The following APOBR variants were observed in gnomAD, a reference collection of about 807,000 sequenced individuals.
APOBR encodes the protein apoB-48R.
A neutral mutation model predicts 88.5 loss-of-function variants in APOBR; 57 were observed. The ratio of observed to expected loss-of-function variants is 0.64; its 90% confidence interval spans 0.52 to 0.80. The LOEUF is 0.80. Ranked by LOEUF, APOBR falls within the 30% of genes least tolerant of loss-of-function variation. The pLI is 0.00. For missense variants in APOBR, 1,443 were observed against 1,401.6 expected, an observed-to-expected ratio of 1.03 and a Z score of -0.47; for synonymous variants, 588 against 572.7, an observed-to-expected ratio of 1.03 and a Z score of -0.38.
In APOBR at chr16:28,495,845, A is replaced by C. The variant is rs2046386615; in HGVS notation, c.804A>C (p.Pro268=). 1 of 1,609,580 alleles carries C rather than the reference A, an allele frequency of 6.2e-7. No individual in the cohort carries two copies. The highest frequency in any genetic ancestry group is 8.5e-7 in the Non-Finnish European group (1 of 1,178,122). The change falls in exon 2 of 4, where the codon CCA becomes CCC. Residue 268 remains proline, a synonymous_variant. Coordinates refer to ENST00000564831, the MANE Select transcript of APOBR (RefSeq NM_018690.4). The part of the protein sequence containing the change: ...ESTRAWGTWG[P]GAEPEDWGIL... ...CTAGGGCATGGGGGACGTGGGGCCC[A>C]GGGGCAGAGCCTGAGGACTGGGGAA...
chr16:28,496,651 G>C lies in APOBR; in HGVS notation c.1610G>C (p.Ser537Thr). The C allele has an allele frequency of 1.2e-6, 2 of 1,601,630 alleles. No individual in the cohort carries two copies. Among genetic ancestry groups the C allele is most frequent in the South Asian group, 2.2e-5 (2 of 89,314 alleles). ...RPEEELTGEE[S>T]EAAQTSCGLL... is the part of the protein sequence containing the mutation. ...GAGGAGGAGCTCACAGGGGAGGAGAGTGAGGCGGCCCAGACTAGCTGTGGC... is the reference window on the plus strand; with the variant it reads ...GAGGAGGAGCTCACAGGGGAGGAGACTGAGGCGGCCCAGACTAGCTGTGGC... The change falls in exon 2 of 4, where the codon AGT (serine) becomes ACT (threonine). Residue 537 changes from serine to threonine, a missense_variant. Coordinates refer to ENST00000564831, the MANE Select transcript of APOBR (RefSeq NM_018690.4).
In APOBR at chr16:28,496,104, G is replaced by A. The variant is rs1464611386; in HGVS notation, c.1063G>A (p.Gly355Arg). 19 of 1,440,986 alleles carry A rather than the reference G, an allele frequency of 1.3e-5. 1 individual carries two copies. The highest frequency in any genetic ancestry group is 2.3e-5 in the East Asian group (1 of 43,200). 89.3% of individuals were successfully genotyped at this position (1,440,986 alleles called of 1,614,324 possible). A position where few individuals can be genotyped will look rare whatever the true frequency, so the allele number is the denominator to read the frequency against. Reference sequence around the variant, plus strand: ...GACAGCCTCAGGAGGGGAGGAGGCCGGGACAGCCTCAGGAGGGGAGGAGGC... The same window carrying A: ...GACAGCCTCAGGAGGGGAGGAGGCCAGGACAGCCTCAGGAGGGGAGGAGGC... ...AGTASGGEEA[G>R]TASGGEEAGT... is the part of the protein sequence containing the mutation. The change falls in exon 2 of 4, where the codon GGG becomes AGG. Residue 355 changes from glycine (G) to arginine (R), a missense_variant. Coordinates refer to ENST00000564831, the MANE Select transcript of APOBR (RefSeq NM_018690.4).
chr16:28,494,864 C>G (rs912393376), intron 1 of APOBR, 126 bp downstream of exon 1: 1 of 1,048,268 alleles, frequency 9.5e-7, no homozygotes, highest in Non-Finnish European at 1.4e-6. Flanking sequence ...AGATTGCTTT[C>G]TCAGGTTCAG....
intron 1 of APOBR, 117 bp downstream of exon 1, chr16:28,494,855 G>A (rs2046377338): frequency 2.7e-6 from 3 of 1,100,102 alleles, no homozygotes; most frequent in Non-Finnish European, 3.9e-6. Context: ...TCAAACTGGA[G>A]ATTGCTTTCT....
Position 28,495,416 on chromosome 16 carries a change from G to C in APOBR, c.375G>C (p.Lys125Asn). 1 of 1,561,614 alleles carries C rather than the reference G, an allele frequency of 6.4e-7. No individual in the cohort carries two copies. The highest frequency in any genetic ancestry group is 8.7e-7 in the Non-Finnish European group (1 of 1,153,278). ...ACAGTGGGGCTGGGGAGACAGCCAA[G>C]GCTGCCAGGTGCCAGGAGCCAAGCG... ...RQDSGAGETA[K>N]AARCQEPSAH... The change falls in exon 2 of 4, where the codon AAG becomes AAC. Residue 125 changes from lysine (K) to asparagine (N), a missense_variant. Transcript: ENST00000564831.
rs780470628 is a variant in APOBR at position 28,495,408 on chromosome 16, A to G, written c.367A>G (p.Thr123Ala). 1.3e-6 allele frequency: 2 copies of G among 1,561,730 alleles called. No homozygotes were observed. Among genetic ancestry groups the G allele is most frequent in the Non-Finnish European group, 8.7e-7 (1 of 1,153,450 alleles). ...AERQDSGAGE[T>A]AKAARCQEPS... ...GAGGCAGGACAGTGGGGCTGGGGAGACAGCCAAGGCTGCCAGGTGCCAGGA... is the reference window on the plus strand; with the variant it reads ...GAGGCAGGACAGTGGGGCTGGGGAGGCAGCCAAGGCTGCCAGGTGCCAGGA... Residue 123 changes from threonine (T) to alanine (A), a missense_variant, in exon 2 of 4, where the codon ACA becomes GCA. Coordinates refer to ENST00000564831, the MANE Select transcript of APOBR (RefSeq NM_018690.4).
rs1442682466 is a variant in APOBR at position 28,496,189 on chromosome 16, T to C, written c.1148T>C (p.Leu383Pro). 6.4e-7 allele frequency: 1 copy of C among 1,565,842 alleles called. No homozygotes were observed. Among genetic ancestry groups the C allele is most frequent in the Admixed American group, 1.9e-5 (1 of 52,178 alleles). The stretch of plus-strand genomic sequence containing the variant: ...ACCTCAGGCAAAGAGGAGGCTGACC[T>C]GCTGGGAGTCAGACAGACAGAATAT... ...WTTSGKEEADLLGVRQTEYGA... is the reference protein window; with the variant it reads ...WTTSGKEEADPLGVRQTEYGA... Residue 383 changes from leucine to proline, a missense_variant, in exon 2 of 4, where the codon CTG (leucine) becomes CCG (proline). By Grantham distance (98) the Leu-to-Pro change is moderately conservative (BLOSUM62 -3). Coordinates refer to ENST00000564831, the MANE Select transcript of APOBR (RefSeq NM_018690.4).
At position 28,497,414 on chromosome 16, in the gene APOBR, C is replaced by T. The variant is rs1215775404; in HGVS notation, c.2373C>T (p.Asp791=). The T allele has an allele frequency of 6.2e-7, 1 of 1,613,380 alleles. No homozygotes were observed. The highest frequency in any genetic ancestry group is 8.5e-7 in the Non-Finnish European group (1 of 1,179,632). Residue 791 remains aspartate (D), a synonymous_variant, in exon 2 of 4, where the codon GAC becomes GAT. Transcript: ENST00000564831. ...ALEGVLGQGW[D]SKEKEEAAAG... ...AAGGGGTGCTTGGGCAAGGCTGGGA[C>T]TCGAAAGAAAAGGAAGAGGCAGCAG... is the stretch of plus-strand genomic sequence containing the variant.
At position 28,496,644 on chromosome 16, in the gene APOBR, G is replaced by T; in HGVS notation, c.1603G>T (p.Glu535Ter). Residue 535 changes from glutamate to a stop codon, truncating the protein, a stop_gained, in exon 2 of 4, where the codon GAG becomes TAG. Transcript: ENST00000564831. LOFTEE classifies it high-confidence loss of function. ...CAGGCCTGAGGAGGAGCTCACAGGG[G>T]AGGAGAGTGAGGCGGCCCAGACTAG... ...EARPEEELTG[E>*]ESEAAQTSCG... 1 of 1,599,982 alleles carries T rather than the reference G, an allele frequency of 6.3e-7. No individual in the cohort carries two copies. The highest frequency in any genetic ancestry group is 1.7e-5 in the Admixed American group (1 of 58,690).
intron 1 of APOBR, 107 bp downstream of exon 1, chr16:28,494,845 T>G: frequency 8.8e-7 from 1 of 1,137,758 alleles, no homozygotes; most frequent in Non-Finnish European, 1.3e-6. Flanking sequence ...TCTGATCTCC[T>G]CAAACTGGAG....
In APOBR at chr16:28,495,702, A is replaced by G; in HGVS notation, c.661A>G (p.Asn221Asp). Residue 221 changes from asparagine to aspartate, a missense_variant, in exon 2 of 4, where the codon AAC (asparagine) becomes GAC (aspartate). Physicochemically the swap from Asn to Asp is conservative, Grantham distance 23. Coordinates refer to ENST00000564831, the MANE Select transcript of APOBR (RefSeq NM_018690.4). Reference protein sequence around the residue: ...GAVGPKAAGDNREMEQGVREA... With the variant: ...GAVGPKAAGDDREMEQGVREA... ...TGTTGGGCCAAAGGCGGCAGGGGACAACCGGGAGATGGAGCAGGGGGTCAG... is the reference window on the plus strand; with the variant it reads ...TGTTGGGCCAAAGGCGGCAGGGGACGACCGGGAGATGGAGCAGGGGGTCAG... The G allele has an allele frequency of 3.9e-6, 6 of 1,531,388 alleles. No homozygotes were observed. The highest frequency in any genetic ancestry group is 5.3e-6 in the Non-Finnish European group (6 of 1,136,442). The allele number at this position is 1,531,388 out of a possible 1,614,324, so 94.9% of individuals were successfully genotyped here.
Position 28,498,327 on chromosome 16 carries a change from A to C in APOBR, c.3202A>C (p.Arg1068=). ...LRHDGTPVPA[R]RRPLGHGFGL... ...GCATGATGGGACCCCGGTGCCAGCC[A>C]GGAGAAGGCCCCTGGGACACGGGTA... Residue 1068 remains arginine (R), a synonymous_variant, in exon 3 of 4, where the codon AGG becomes CGG. Coordinates refer to ENST00000564831, the MANE Select transcript of APOBR (RefSeq NM_018690.4). The C allele has an allele frequency of 1.3e-6, 2 of 1,598,820 alleles. No homozygotes were observed. Among genetic ancestry groups the C allele is most frequent in the Non-Finnish European group, 1.7e-6 (2 of 1,171,762 alleles).
At position 28,495,955 on chromosome 16, in the gene APOBR, C is replaced by G. The variant is rs757961869; in HGVS notation, c.914C>G (p.Ser305Ter). The G allele has an allele frequency of 1.9e-6, 3 of 1,608,920 alleles. No homozygotes were observed. The highest frequency in any genetic ancestry group is 2.8e-5 in the African/African-American group (2 of 72,048). The change falls in exon 2 of 4, where the codon TCA becomes TGA. Residue 305 changes from serine to a stop codon, truncating the protein, a stop_gained. Transcript: ENST00000564831. LOFTEE classifies it high-confidence loss of function. ...GATGGGGAGGAAGCCAGGACAATCT[C>G]AGGCGGGGAGGAGGCTGAGACAGCC... Reference protein sequence around the residue: ...ILDGEEARTISGGEEAETASG... With the variant: ...ILDGEEARTI
chr16:28,494,817 C>T (rs1473462798), intron 1 of APOBR, 79 bp downstream of exon 1: 1 of 1,334,962 alleles, frequency 7.5e-7, no homozygotes, highest in African/African-American at 1.5e-5. Context: ...CCTGGGGCCT[C>T]ACCTTTCCCC....
At position 28,495,293 on chromosome 16, in the gene APOBR, T is replaced by G; in HGVS notation, c.252T>G (p.Pro84=). ...QNEGAGRLRG[P]GDDRRHEVGS... Reference sequence around the variant, plus strand: ...AGGGGGCTGGAAGGCTGAGAGGGCCTGGAGATGACAGAAGACATGAAGTGG... The same window carrying G: ...AGGGGGCTGGAAGGCTGAGAGGGCCGGGAGATGACAGAAGACATGAAGTGG... The change falls in exon 2 of 4, where the codon CCT becomes CCG. Residue 84 remains proline, a synonymous_variant. Coordinates refer to ENST00000564831, the MANE Select transcript of APOBR (RefSeq NM_018690.4). 2 of 1,535,128 alleles carry G rather than the reference T, an allele frequency of 1.3e-6. No homozygotes were observed. The highest frequency in any genetic ancestry group is 2.8e-5 in the African/African-American group (2 of 72,560).
Position 28,498,876 on chromosome 16 carries a change from A to G in APOBR, c.*371A>G, listed in dbSNP as rs1297767155. ...GGTGGGAGGATCGCTTGAGACCAGG[A>G]GTTCGAGACCAGCCTGGGCAGCATA... On this transcript the variant is annotated 3_prime_UTR_variant, in exon 4 of 4. Transcript: ENST00000564831. 4 of 565,850 alleles carry G rather than the reference A, an allele frequency of 7.1e-6. No individual in the cohort carries two copies. Among genetic ancestry groups the G allele is most frequent in the Admixed American group, 4.8e-5 (2 of 41,986 alleles). 35.1% of individuals were successfully genotyped at this position (565,850 alleles called of 1,614,324 possible).
chr16:28,496,969 A>T lies in APOBR; in HGVS notation c.1928A>T (p.Asp643Val). ...GGAAATACTCAGGAGGATGCGGCCG[A>T]TGGCGAGCAGCGGGAGGAGGAGGAG... ...ERGNTQEDAA[D>V]GEQREEEETA... The change falls in exon 2 of 4, where the codon GAT becomes GTT. Residue 643 changes from aspartate (D) to valine (V), a missense_variant. Asp to Val is a radical substitution (Grantham distance 152). Transcript: ENST00000564831. 6.4e-7 allele frequency: 1 copy of T among 1,559,868 alleles called. No homozygotes were observed. The highest frequency in any genetic ancestry group is 1.2e-5 in the South Asian group (1 of 83,880).
In APOBR at chr16:28,497,305, C is replaced by T. The variant is rs1043871562; in HGVS notation, c.2264C>T (p.Ala755Val). Reference protein sequence around the residue: ...VAVGLPDREDAQTGSVAAGIM... With the variant: ...VAVGLPDREDVQTGSVAAGIM... ...GTGGGCCTCCCGGACCGTGAGGATG[C>T]ACAGACTGGCTCTGTGGCTGCTGGG... Residue 755 changes from alanine (A) to valine (V), a missense_variant, in exon 2 of 4, where the codon GCA becomes GTA. By Grantham distance (64) the Ala-to-Val change is moderately conservative. Coordinates refer to ENST00000564831, the MANE Select transcript of APOBR (RefSeq NM_018690.4). 6.3e-7 allele frequency: 1 copy of T among 1,599,522 alleles called. No homozygotes were observed. Among genetic ancestry groups the T allele is most frequent in the Non-Finnish European group, 8.5e-7 (1 of 1,173,410 alleles).
chr16:28,497,057 A>AG lies in APOBR; in HGVS notation c.2017dup (p.Val673GlyfsTer19), dbSNP rs146071951. On this transcript the variant is annotated frameshift_variant, in exon 2 of 4. Coordinates refer to ENST00000564831, the MANE Select transcript of APOBR (RefSeq NM_018690.4). LOFTEE classifies it high-confidence loss of function. ...GAGACCGAGAGTCTGAACTATCAGAAGTCCCAGAGGCAGGCGGGGAGGGGC... is the reference window on the plus strand; with the variant it reads ...GAGACCGAGAGTCTGAACTATCAGAAGGTCCCAGAGGCAGGCGGGGAGGGGC... 17 of 1,592,048 alleles carry AG rather than the reference A, an allele frequency of 1.1e-5. No homozygotes were observed. Among genetic ancestry groups the AG allele is most frequent in the African/African-American group, 1.3e-5 (1 of 74,676 alleles).
Sources: allele counts gnomAD v4.1 joint callset, GRCh38; gene constraint gnomAD v4.1.1; transcripts MANE v1.5; gene names NCBI Gene and HGNC (gene_info 2026-07-23, HGNC 2026-07-21).